Variants in PLCB4 observed in about 807,000 individuals in gnomAD.
PLCB4 encodes the protein 1-phosphatidylinositol 4,5-bisphosphate phosphodiesterase beta-4.
PLCB4 carries 77 observed loss-of-function variants against 178.8 expected under a neutral mutation model. The observed-to-expected ratio is 0.43, with a 90% CI of 0.36 to 0.52. The LOEUF (loss-of-function observed/expected upper bound fraction) is 0.52, where lower values mean the gene tolerates loss of function less well. PLCB4 is among the 20% of genes least tolerant of loss of function. PLCB4 has a pLI of 0.00. For missense variants in PLCB4, 1,024 were observed against 1,453.4 expected (o/e 0.70, Z 4.80); for synonymous variants, 496 against 490.8 (o/e 1.01, Z -0.14).
Position 9,405,388 on chromosome 20 carries a change from A to C in PLCB4, c.1647+40A>C, listed in dbSNP as rs762461119. 2.4e-6 allele frequency: 3 copies of C among 1,234,000 alleles called. No homozygotes were observed. In the Admixed American group the frequency reaches 7.2e-5, roughly 30 times the overall value. 76.4% of individuals were successfully genotyped at this position (1,234,000 alleles called of 1,614,324 possible). On this transcript the variant is annotated intron_variant, in intron 21 of 39. Coordinates refer to ENST00000378473, the MANE Select transcript of PLCB4 (RefSeq NM_001377142.1). ...CCCTTGCACATTTTAAATCAGATGCATCTAATTTAAAAAATCTTCAAAGGA... is the reference window on the plus strand; with the variant it reads ...CCCTTGCACATTTTAAATCAGATGCCTCTAATTTAAAAAATCTTCAAAGGA...
Position 9,479,238 on chromosome 20 carries a change from A to G in PLCB4, c.*229A>G, listed in dbSNP as rs2044751007. 1 of 541,654 alleles carries G rather than the reference A, an allele frequency of 1.8e-6. No homozygotes were observed. The highest frequency in any genetic ancestry group is 3.3e-6 in the Non-Finnish European group (1 of 301,772). 33.6% of individuals were successfully genotyped at this position (541,654 alleles called of 1,614,324 possible). A position where few individuals can be genotyped will look rare whatever the true frequency, so the allele number is the denominator to read the frequency against. On this transcript the variant is annotated 3_prime_UTR_variant, in exon 40 of 40. Transcript: ENST00000378473. ...CAAAAATTTACTATTCCAGTAAGGC[A>G]GAGTCCAACCATTGATAATACAACT...
intron 30 of PLCB4, among the ~76,000 whole-genome samples, chr20:9,442,614 T>G (rs1171601738): frequency 6.6e-6 from 1 of 152,156 alleles, no homozygotes; most frequent in African/African-American, 2.4e-5. Context: ...CCTTGCATAC[T>G]CCCCAAATCC....
intron 12 of PLCB4, among the ~76,000 whole-genome samples, chr20:9,375,179 T>C (rs1027845023): frequency 2.0e-5 from 3 of 152,152 alleles, no homozygotes; most frequent in Admixed American, 6.6e-5. Context: ...GAAGAAGCCT[T>C]GTCAAACATA....
chr20:9,376,583 G>T (rs1294288854), intron 12 of PLCB4, among the ~76,000 whole-genome samples: 1 of 152,080 alleles, frequency 6.6e-6, no homozygotes, highest in African/African-American at 2.4e-5. Flanking sequence ...GCTGCCACGT[G>T]GTGAGACACT....
intron 2 of PLCB4, among the ~76,000 whole-genome samples, chr20:9,204,441 C>A (rs1471737788): frequency 6.6e-6 from 1 of 151,876 alleles, no homozygotes; most frequent in Non-Finnish European, 1.5e-5. Flanking sequence ...TCACTGCAAA[C>A]CTCTGCCTCC....
chr20:9,260,651 T>G (rs1482439476), intron 3 of PLCB4, among the ~76,000 whole-genome samples: 1 of 152,158 alleles, frequency 6.6e-6, no homozygotes, highest in Non-Finnish European at 1.5e-5. Context: ...TATGAGCTTA[T>G]GCATATATAA....
intron 3 of PLCB4, among the ~76,000 whole-genome samples, chr20:9,292,117 T>C (rs982500337): frequency 6.6e-6 from 1 of 152,208 alleles, no homozygotes; most frequent in Admixed American, 6.5e-5. Flanking sequence ...TCCAAAGCAC[T>C]TTGCCCATTT....
intron 2 of PLCB4, among the ~76,000 whole-genome samples, chr20:9,212,120 A>G (rs2093679432): frequency 6.6e-6 from 1 of 152,212 alleles, no homozygotes; most frequent in South Asian, 2.1e-4. Context: ...ATGCGATACA[A>G]CAGAGGCTTG....
chr20:9,111,568 C>T (rs574933388), intron 2 of PLCB4, among the ~76,000 whole-genome samples: 14 of 152,258 alleles, frequency 9.2e-5, no homozygotes, highest in South Asian at 8.3e-4. Context: ...ATGTTTCCAT[C>T]TTCCACCCAC....
chr20:9,252,636 T>C (rs1367994631), intron 3 of PLCB4, among the ~76,000 whole-genome samples: 1 of 152,164 alleles, frequency 6.6e-6, no homozygotes, highest in Non-Finnish European at 1.5e-5. Context: ...ATCAGATAGC[T>C]AGTAAAATAT....
chr20:9,190,618 A>G (rs1467002974), intron 2 of PLCB4, among the ~76,000 whole-genome samples: 1 of 152,186 alleles, frequency 6.6e-6, no homozygotes, highest in Non-Finnish European at 1.5e-5. Flanking sequence ...TGGAATGATT[A>G]ACCATCAGGA....
At chr20:9,147,336 T>C (rs2092615634) in intron 2 of PLCB4, among the ~76,000 whole-genome samples, 1 of 152,174 alleles carries the variant, frequency 6.6e-6, no homozygotes, top group African/African-American at 2.4e-5. Flanking sequence ...ACAGTCTGGC[T>C]AAGGACTAGT....
chr20:9,197,710 G>T (rs536030533), intron 2 of PLCB4, among the ~76,000 whole-genome samples: 5 of 152,298 alleles, frequency 3.3e-5, no homozygotes, highest in South Asian at 4.1e-4. Context: ...GCGCGGTGGC[G>T]CATGCCTGTA....
intron 12 of PLCB4, among the ~76,000 whole-genome samples, chr20:9,374,737 G>A (rs1446494787): frequency 6.6e-6 from 1 of 152,130 alleles, no homozygotes; most frequent in East Asian, 1.9e-4. Context: ...CTTATCTAAT[G>A]CATTTCCTTT....
chr20:9,200,636 CCTT>C (rs1224270797), intron 2 of PLCB4, among the ~76,000 whole-genome samples: 1 of 152,182 alleles, frequency 6.6e-6, no homozygotes, highest in East Asian at 1.9e-4. Context: ...GTGTCCTCCT[CCTT>C]CACTTGCTGT....
chr20:9,473,398 G>A (rs764257422), intron 38 of PLCB4, 33 bp downstream of exon 38: 70 of 1,277,226 alleles, frequency 5.5e-5, no homozygotes, highest in Non-Finnish European at 7.1e-5. Context: ...AAACATGCAG[G>A]CAGCTAGCCA....
chr20:9,426,154 A>G (rs1169626156), intron 28 of PLCB4, among the ~76,000 whole-genome samples: 1 of 152,154 alleles, frequency 6.6e-6, no homozygotes, highest in Non-Finnish European at 1.5e-5. Flanking sequence ...AAAGAAACTC[A>G]TCAATATACA....
At chr20:9,304,170 T>G (rs1039790710) in intron 3 of PLCB4, among the ~76,000 whole-genome samples, 3 of 152,100 alleles carry the variant, frequency 2.0e-5, no homozygotes, top group African/African-American at 4.8e-5. Flanking sequence ...GCTCTCATCT[T>G]TTCTTTCTAA....
intron 2 of PLCB4, among the ~76,000 whole-genome samples, chr20:9,158,577 GTT>G (rs373471121): frequency 1.7e-4 from 23 of 133,318 alleles, no homozygotes; most frequent in Non-Finnish European, 2.1e-4. Flanking sequence ...CCACTCTCAC[GTT>G]TTTTTTTTTT....
Sources: allele counts gnomAD v4.1 joint callset (sites outside exome capture counted in the v4.1 genomes callset), GRCh38; gene constraint gnomAD v4.1.1; transcripts MANE v1.5; gene names NCBI Gene and HGNC (gene_info 2026-07-23, HGNC 2026-07-21).